CREB5: variants seen among roughly 807,000 people sequenced by gnomAD.
CREB5 encodes cyclic AMP-responsive element-binding protein 5.
A neutral mutation model predicts 57.1 loss-of-function variants in CREB5; 19 were observed. The ratio of observed to expected loss-of-function variants is 0.33; its 90% CI spans 0.23 to 0.49. CREB5 has a LOEUF of 0.49. Among genes scored for constraint, CREB5 ranks in the 20% least tolerant of loss-of-function variants. The probability of loss-of-function intolerance (pLI) is 0.99; values close to 1 mark genes in which losing one functional copy is unlikely to be tolerated. For missense variants in CREB5, 579 were observed against 671.6 expected, an observed-to-expected ratio of 0.86 and a Z score of 1.52; for synonymous variants, 238 against 238.3, an observed-to-expected ratio of 1.00 and a Z score of 0.01.
At chr7:28,521,993 A>G (rs991918040) in intron 4 of CREB5, among the ~76,000 whole-genome samples, 2 of 152,244 alleles carry the variant, frequency 1.3e-5, no homozygotes, top group Non-Finnish European at 2.9e-5. Context: ...TAGTAATAAT[A>G]AAATTCACCA....
chr7:28,402,220 G>T (rs143370275), intron 1 of CREB5, among the ~76,000 whole-genome samples: 4,346 of 152,226 alleles, frequency 0.029, 208 homozygotes, highest in African/African-American at 0.099. Context: ...CTTTTGAGTA[G>T]TGTGTGTTCA....
chr7:28,554,703 G>T (rs1794791103), intron 4 of CREB5, among the ~76,000 whole-genome samples: 1 of 152,228 alleles, frequency 6.6e-6, no homozygotes, highest in Admixed American at 6.5e-5. Flanking sequence ...ATTCCACCCT[G>T]CTATTCACAA....
intron 4 of CREB5, among the ~76,000 whole-genome samples, chr7:28,560,851 T>TGCGTGCGTGCGC: frequency 1.4e-5 from 1 of 69,200 alleles, no homozygotes; most frequent in Non-Finnish European, 2.9e-5. Flanking sequence ...TGTGCGCGTG[T>TGCGTGCGTGCGC]GTGTGTGCGT....
In CREB5 at chr7:28,434,402, A is replaced by G. The variant is rs554846042; in HGVS notation, c.3+21485A>G. On this transcript the variant is annotated intron_variant, in intron 1 of 10. Transcript: ENST00000357727. The stretch of plus-strand genomic sequence containing the variant: ...AACACCCAGATCCAGTTATTTGTAA[A>G]CTTTTTTTCTGCCTATTATCTTAGC... Among the ~76,000 whole-genome samples the G allele has an allele frequency of 2.0e-5, 3 of 152,214 alleles. No homozygotes were observed. The East Asian group carries it at 5.8e-4, about 29-fold the overall frequency.
intron 7 of CREB5, among the ~76,000 whole-genome samples, chr7:28,751,661 T>A (rs1322384327): frequency 6.6e-6 from 1 of 152,180 alleles, no homozygotes; most frequent in African/African-American, 2.4e-5. Context: ...TGGTACAGAG[T>A]TCCGATACAC....
chr7:28,712,120 C>T (rs182078731), intron 5 of CREB5, among the ~76,000 whole-genome samples: 33 of 152,250 alleles, frequency 2.2e-4, no homozygotes, highest in African/African-American at 7.7e-4. Context: ...TGGCCCATGT[C>T]CTTCACTTTA....
At chr7:28,577,494 C>T (rs979468009) in intron 5 of CREB5, among the ~76,000 whole-genome samples, 1 of 152,190 alleles carries the variant, frequency 6.6e-6, no homozygotes, top group Non-Finnish European at 1.5e-5. Flanking sequence ...GTGCTGTTTA[C>T]AAGGCACATC....
rs551730446 is a variant in CREB5, at chr7:28,801,687, T to TG, written c.703-2512_703-2511insG. Among the ~76,000 whole-genome samples the TG allele has an allele frequency of 1.6e-3, 247 of 152,356 alleles. 8 individuals are homozygous for TG. The South Asian group carries it at 0.051, about 31-fold the overall frequency. ...CGCATTTGGCTTCATTGTTGCTGAC[T>TG]TCATTGCAAAGCATTGCTTAAATTT... On this transcript the variant is annotated intron_variant, in intron 7 of 10. Transcript: ENST00000357727.
chr7:28,560,945 T>C (rs193103752), intron 4 of CREB5, among the ~76,000 whole-genome samples: 2,163 of 23,500 alleles, frequency 0.092, 283 homozygotes, highest in African/African-American at 0.23. Flanking sequence ...TGCGTGCGTG[T>C]GTGTGCGTGT....
chr7:28,783,148 C>T (rs527729248), intron 7 of CREB5, among the ~76,000 whole-genome samples: 8 of 152,270 alleles, frequency 5.3e-5, no homozygotes, highest in South Asian at 2.1e-4. Flanking sequence ...CAATAAAATA[C>T]TCACGTGCCT....
intron 1 of CREB5, among the ~76,000 whole-genome samples, chr7:28,375,579 TATAA>T (rs1210583436): frequency 2.6e-5 from 4 of 151,484 alleles, no homozygotes; most frequent in South Asian, 2.1e-4. Context: ...ATGATGTGAT[TATAA>T]ATAAATAAAA....
At chr7:28,794,178 G>C (rs1807892112) in intron 7 of CREB5, among the ~76,000 whole-genome samples, 1 of 152,138 alleles carries the variant, frequency 6.6e-6, no homozygotes, top group Non-Finnish European at 1.5e-5. Flanking sequence ...AAAATAACAA[G>C]GGATTACTTT....
chr7:28,718,119 A>G (rs1286746304), intron 5 of CREB5, among the ~76,000 whole-genome samples: 1 of 152,228 alleles, frequency 6.6e-6, no homozygotes, highest in African/African-American at 2.4e-5. Flanking sequence ...TCGCGTTATT[A>G]TGAAATGAGA....
intron 5 of CREB5, among the ~76,000 whole-genome samples, chr7:28,641,831 A>G (rs1043982594): frequency 6.6e-6 from 1 of 152,212 alleles, no homozygotes; most frequent in African/African-American, 2.4e-5. Flanking sequence ...TCTGACCTGC[A>G]GTCGCCATCC....
chr7:28,508,049 C>T (rs1037387729), intron 4 of CREB5, among the ~76,000 whole-genome samples: 1 of 152,158 alleles, frequency 6.6e-6, no homozygotes, highest in Non-Finnish European at 1.5e-5. Flanking sequence ...GGTGAGAGAA[C>T]AGGCGAGTAA....
rs540501424 is a variant in CREB5 at position 28,797,454 on chromosome 7, C to T, written c.703-6745C>T. 2.4e-3 allele frequency among the ~76,000 whole-genome samples: 365 copies of T among 152,294 alleles called. 2 individuals are homozygous for T. The highest frequency in any genetic ancestry group is 8.5e-3 in the African/African-American group (355 of 41,568). On this transcript the variant is annotated intron_variant, in intron 7 of 10. Transcript: ENST00000357727. ...ACAAATCATAGGAATATTTATTTTT[C>T]TAGGTCTTATGGAATCCTTTTCCTC...
At chr7:28,802,038 C>T (rs1808400401) in intron 7 of CREB5, among the ~76,000 whole-genome samples, 1 of 135,128 alleles carries the variant, frequency 7.4e-6, no homozygotes, top group African/African-American at 2.9e-5. Context: ...TGAGATCTTG[C>T]CACTGCACTC....
intron 3 of CREB5, among the ~76,000 whole-genome samples, chr7:28,501,263 C>T (rs937387935): frequency 6.6e-6 from 1 of 152,108 alleles, no homozygotes; most frequent in Non-Finnish European, 1.5e-5. Flanking sequence ...CTTTAATAGT[C>T]ATCCAATGGA....
chr7:28,380,945 C>T (rs1055873094), intron 1 of CREB5, among the ~76,000 whole-genome samples: 2 of 152,150 alleles, frequency 1.3e-5, no homozygotes, highest in Non-Finnish European at 2.9e-5. Context: ...CCCATGTACC[C>T]TCCATGAAAT....
Sources: allele counts gnomAD v4.1 joint callset (sites outside exome capture counted in the v4.1 genomes callset), GRCh38; gene constraint gnomAD v4.1.1; transcripts MANE v1.5; gene names NCBI Gene and HGNC (gene_info 2026-07-23, HGNC 2026-07-21).